Variants in CUX1 observed in about 807,000 individuals in gnomAD.
CUX1 encodes cut like homeobox 1.
CUX1 carries 31 observed loss-of-function variants against 158.8 expected under a neutral mutation model. That is an observed-to-expected ratio of 0.20 (90% confidence interval 0.15 to 0.26). The LOEUF (loss-of-function observed/expected upper bound fraction) is 0.26, where lower values mean the gene tolerates loss of function less well. CUX1 is among the 10% of genes least tolerant of loss of function. The pLI is 1.00. For synonymous variants in CUX1, 879 were observed against 862.1 expected (o/e 1.02, Z -0.34); for missense variants, 1,589 against 2,014.6 (o/e 0.79, Z 4.04).
At chr7:102,107,514 C>G (rs148502682) in intron 6 of CUX1, among the ~76,000 whole-genome samples, 10,390 of 152,282 alleles carry the variant, frequency 0.068, 490 homozygotes, top group African/African-American at 0.13. Context: ...GCATTCTAGC[C>G]TGGGCAACAA....
rs782068395 is a variant in CUX1, at chr7:102,234,046, C to T, written c.3434-6C>T. The T allele has an allele frequency of 6.7e-7, 1 of 1,491,672 alleles. No homozygotes were observed. Among genetic ancestry groups the T allele is most frequent in the South Asian group, 1.3e-5 (1 of 74,334 alleles). 92.4% of individuals were successfully genotyped at this position (1,491,672 alleles called of 1,614,324 possible). On this transcript the variant is annotated splice_region_variant and splice_polypyrimidine_tract_variant and intron_variant, in intron 21 of 23. Transcript: ENST00000292535. ...AATACCTGTCTTGCTTCTGTTTTCT[C>T]TCTAGGCCAGCGCTTATTTGGGGAG...
intron 2 of CUX1, among the ~76,000 whole-genome samples, chr7:101,993,422 CAGAG>C (rs1260868544): frequency 4.6e-5 from 7 of 152,304 alleles, no homozygotes; most frequent in East Asian, 1.9e-4. Context: ...GAAATGGAGT[CAGAG>C]AGAGCTGCAG....
rs781800582 is a variant in CUX1, at chr7:102,227,571, C to G, written c.3335C>G (p.Ser1112Trp). 18 of 1,614,034 alleles carry G rather than the reference C, an allele frequency of 1.1e-5. No homozygotes were observed. Among genetic ancestry groups the G allele is most frequent in the Non-Finnish European group, 1.4e-5 (17 of 1,180,050 alleles). Residue 1112 changes from serine to tryptophan, a missense_variant, in exon 21 of 24, where the codon TCG becomes TGG. By Grantham distance (177) the Ser-to-Trp change is radical. Coordinates refer to ENST00000292535, the MANE Select transcript of CUX1 (RefSeq NM_181552.4). ...PTTPLPLSGHSALSIQELVAM... is the reference protein window; with the variant it reads ...PTTPLPLSGHWALSIQELVAM... Reference sequence around the variant, plus strand: ...ACCCCGCTGCCTCTCTCCGGACACTCGGCCCTCAGCATCCAAGAATTAGTA... The same window carrying G: ...ACCCCGCTGCCTCTCTCCGGACACTGGGCCCTCAGCATCCAAGAATTAGTA...
chr7:101,947,131 G>A (rs1808482921), intron 2 of CUX1, among the ~76,000 whole-genome samples: 1 of 152,202 alleles, frequency 6.6e-6, no homozygotes, highest in Admixed American at 6.5e-5. Flanking sequence ...GCTCACACTT[G>A]CAATCCCAGC....
chr7:102,251,499 G>A lies in CUX1; in HGVS notation c.*2457G>A. The A allele has an allele frequency of 1.0e-6, 1 of 985,430 alleles. No homozygotes were observed. The highest frequency in any genetic ancestry group is 4.7e-5 in the South Asian group (1 of 21,286). 61.0% of individuals were successfully genotyped at this position (985,430 alleles called of 1,614,324 possible). A position where few individuals can be genotyped will look rare whatever the true frequency, so the allele number is the denominator to read the frequency against. On this transcript the variant is annotated 3_prime_UTR_variant, in exon 24 of 24. Coordinates refer to ENST00000292535, the MANE Select transcript of CUX1 (RefSeq NM_181552.4). ...AATAAGAAGTTTTCAGAAGGCTCTA[G>A]GGGGCTGGGAGGCAGGCTGTTCGTT...
chr7:102,036,691 G>A (rs962410037), intron 3 of CUX1, among the ~76,000 whole-genome samples: 32 of 151,066 alleles, frequency 2.1e-4, no homozygotes, highest in African/African-American at 6.6e-4. Context: ...GCAGTGAGCC[G>A]AGATTGTGCC....
intron 3 of CUX1, among the ~76,000 whole-genome samples, chr7:102,035,787 G>C (rs1397387558): frequency 1.3e-5 from 2 of 151,938 alleles, no homozygotes; most frequent in Non-Finnish European, 2.9e-5. Context: ...TATACAAGGA[G>C]AGAAATTTCC....
chr7:101,981,768 G>A (rs998284664), intron 2 of CUX1, among the ~76,000 whole-genome samples: 8 of 152,034 alleles, frequency 5.3e-5, no homozygotes, highest in African/African-American at 1.9e-4. Context: ...GCACCACCAC[G>A]CCCAGCTAAT....
intron 4 of CUX1, among the ~76,000 whole-genome samples, chr7:102,074,197 G>A (rs1157218959): frequency 2.0e-5 from 3 of 152,236 alleles, no homozygotes; most frequent in South Asian, 4.1e-4. Flanking sequence ...CCTTAATCCA[G>A]TGGAATCCAG....
chr7:102,066,862 A>G (rs976543809), intron 3 of CUX1, among the ~76,000 whole-genome samples: 7 of 152,262 alleles, frequency 4.6e-5, no homozygotes, highest in African/African-American at 1.4e-4. Context: ...CAAAATTTGT[A>G]ATAGATACTG....
chr7:102,186,604 T>TTA (rs1793655140), intron 11 of CUX1, among the ~76,000 whole-genome samples: 3 of 151,294 alleles, frequency 2.0e-5, no homozygotes, highest in Admixed American at 6.6e-5. Context: ...TATTTTTTTT[T>TTA]ATTTATGCCT....
intron 14 of CUX1, 62 bp downstream of exon 14, chr7:102,195,665 A>T (rs1362652695): frequency 1.4e-6 from 2 of 1,447,098 alleles, no homozygotes; most frequent in Non-Finnish European, 1.9e-6. Flanking sequence ...TCGGTCGAGG[A>T]CGAGGAAGGT....
At chr7:102,178,934 G>A (rs193264096) in intron 11 of CUX1, among the ~76,000 whole-genome samples, 4 of 152,254 alleles carry the variant, frequency 2.6e-5, no homozygotes, top group Admixed American at 2.0e-4. Flanking sequence ...GTGCAATCTC[G>A]GCTCACTGCA....
At chr7:102,149,638 A>T (rs976307445) in intron 8 of CUX1, among the ~76,000 whole-genome samples, 2 of 152,200 alleles carry the variant, frequency 1.3e-5, no homozygotes, top group Admixed American at 6.5e-5. Flanking sequence ...CGACAGCCAC[A>T]GCAGGTGCCT....
intron 1 of CUX1, among the ~76,000 whole-genome samples, chr7:101,912,444 A>G (rs936088214): frequency 2.6e-5 from 4 of 152,082 alleles, no homozygotes; most frequent in Admixed American, 2.0e-4. Flanking sequence ...GTCCCACACT[A>G]TGCATTACCA....
intron 2 of CUX1, among the ~76,000 whole-genome samples, chr7:102,017,597 G>GCGCTT (rs202026426): frequency 0.01 from 1,581 of 152,170 alleles, 28 homozygotes; most frequent in African/African-American, 0.036. Context: ...CTGTAACCCA[G>GCGCTT]CGCTTCGGTA....
At chr7:101,988,691 C>T (rs528206737) in intron 2 of CUX1, among the ~76,000 whole-genome samples, 6 of 152,234 alleles carry the variant, frequency 3.9e-5, no homozygotes, top group African/African-American at 1.2e-4. Flanking sequence ...AGGTTCCTTG[C>T]GACAGAGTCC....
chr7:101,986,921 C>G (rs1006278334), intron 2 of CUX1, among the ~76,000 whole-genome samples: 1 of 152,162 alleles, frequency 6.6e-6, no homozygotes, highest in Admixed American at 6.5e-5. Context: ...CAAGCCAGCT[C>G]CTGCCCTGGA....
At chr7:102,283,137 G>T in exon 23 of CUX1, 1 of 1,466,336 alleles carries the variant, frequency 6.8e-7, no homozygotes, top group Non-Finnish European at 9.6e-7. Context: ...CCTCCACCCC[G>T]ACTGCTCAGT....
Sources: allele counts gnomAD v4.1 joint callset (sites outside exome capture counted in the v4.1 genomes callset), GRCh38; gene constraint gnomAD v4.1.1; transcripts MANE v1.5; gene names NCBI Gene and HGNC (gene_info 2026-07-23, HGNC 2026-07-21).